Variants in TNS3 observed in about 807,000 individuals in gnomAD.
TNS3 encodes tensin 3.
Under a neutral mutation model 140.9 loss-of-function variants are expected in TNS3, and 45 were observed. The observed-to-expected ratio is 0.32, with a 90% CI of 0.25 to 0.41. The LOEUF (loss-of-function observed/expected upper bound fraction) is 0.41. TNS3 is among the 10% of genes least tolerant of loss of function. TNS3 has a pLI of 1.00. For synonymous variants in TNS3, 815 were observed against 788.4 expected (o/e 1.03, Z -0.56); for missense variants, 1,716 against 1,906.7 (o/e 0.90, Z 1.86).
intron 21 of TNS3, 47 bp from the exon 22 acceptor site, chr7:47,303,631 G>C: frequency 6.6e-7 from 1 of 1,507,234 alleles, no homozygotes; most frequent in Non-Finnish European, 8.8e-7. Flanking sequence ...GGTACAAAGA[G>C]ACACCTGAAG....
intron 17 of TNS3, among the ~76,000 whole-genome samples, chr7:47,359,754 T>C (rs946544521): frequency 3.3e-5 from 5 of 152,236 alleles, no homozygotes; most frequent in Non-Finnish European, 7.3e-5. Flanking sequence ...AAGGAGGTTA[T>C]ATTCGCTATG....
At chr7:47,568,291 G>A (rs548474205) in intron 1 of TNS3, among the ~76,000 whole-genome samples, 3 of 152,264 alleles carry the variant, frequency 2.0e-5, no homozygotes, top group East Asian at 1.9e-4. Flanking sequence ...CTTCACCTTC[G>A]AGATGCAGCT....
intron 1 of TNS3, among the ~76,000 whole-genome samples, chr7:47,580,628 A>G (rs1392538629): frequency 6.7e-6 from 1 of 150,366 alleles, no homozygotes; most frequent in African/African-American, 2.5e-5. Context: ...CTGGCCCTCA[A>G]GGCCTCAGCA....
At chr7:47,289,582 A>G (rs1785589974) in intron 27 of TNS3, among the ~76,000 whole-genome samples, 1 of 152,244 alleles carries the variant, frequency 6.6e-6, no homozygotes, top group Non-Finnish European at 1.5e-5. Flanking sequence ...ACAAATGGTC[A>G]ACTGCTTTCC....
intron 8 of TNS3, 28 bp from the exon 9 acceptor site, chr7:47,428,404 T>G (rs1794765504): frequency 5.1e-6 from 7 of 1,383,452 alleles, no homozygotes; most frequent in Non-Finnish European, 6.6e-6. Flanking sequence ...TCAGCTGATT[T>G]TCTCTGAAAT....
At chr7:47,555,945 C>T (rs1222947184) in intron 1 of TNS3, among the ~76,000 whole-genome samples, 1 of 152,236 alleles carries the variant, frequency 6.6e-6, no homozygotes, top group Non-Finnish European at 1.5e-5. Context: ...CCTGCACACA[C>T]ATAATACACA....
At chr7:47,559,705 T>C (rs964508990) in intron 1 of TNS3, among the ~76,000 whole-genome samples, 11 of 152,112 alleles carry the variant, frequency 7.2e-5, no homozygotes, top group African/African-American at 2.4e-4. Context: ...CCAGTCTCCC[T>C]GGGGCCCTTG....
chr7:47,368,726 C>A lies in TNS3; in HGVS notation c.1920G>T (p.Arg640Ser). 6.3e-7 allele frequency: 1 copy of A among 1,577,970 alleles called. No homozygotes were observed. Among genetic ancestry groups the A allele is most frequent in the South Asian group, 1.2e-5 (1 of 84,650 alleles). Residue 640 changes from arginine to serine, a missense_variant, in exon 17 of 31, where the codon AGG (arginine) becomes AGT (serine). Transcript: ENST00000311160. ...TGCCTACACCCCTCTGGACAGCCAC[C>A]CTACTGCTGGTCCCTCGGGTGGGGG... ...PLTPTRGTSS[R>S]VAVQRGVGSG... is the part of the protein sequence containing the mutation.
intron 4 of TNS3, among the ~76,000 whole-genome samples, chr7:47,473,381 A>C (rs1244361736): frequency 6.6e-6 from 1 of 152,100 alleles, no homozygotes; most frequent in African/African-American, 2.4e-5. Context: ...ACCTAATAGA[A>C]CTCAATTTCA....
At chr7:47,393,977 T>G (rs557076560) in intron 16 of TNS3, among the ~76,000 whole-genome samples, 1 of 151,960 alleles carries the variant, frequency 6.6e-6, no homozygotes, top group African/African-American at 2.4e-5. Context: ...GAGTCCCGAG[T>G]GCATGCCCAG....
At chr7:47,358,854 CCT>C (rs1361737930) in intron 17 of TNS3, among the ~76,000 whole-genome samples, 1 of 152,198 alleles carries the variant, frequency 6.6e-6, no homozygotes, top group Non-Finnish European at 1.5e-5. Flanking sequence ...TAGCAGTTCC[CCT>C]GAGCCAGCAC....
intron 9 of TNS3, 74 bp from the exon 10 acceptor site, chr7:47,424,258 G>T: frequency 6.7e-7 from 1 of 1,484,746 alleles, no homozygotes. Flanking sequence ...CGGGGGATGT[G>T]TCTCATGGCT....
At chr7:47,491,968 CA>C (rs1356838235) in intron 3 of TNS3, among the ~76,000 whole-genome samples, 2 of 152,354 alleles carry the variant, frequency 1.3e-5, no homozygotes, top group East Asian at 3.9e-4. Flanking sequence ...CATTCTAAAA[CA>C]CTCAACTGGT....
chr7:47,344,815 G>T lies in TNS3; in HGVS notation c.2590C>A (p.Pro864Thr), dbSNP rs754673139. ...AGCGGGGGCTCAGGTGGGCTGAACG[G>T]AGGATGGCGCAGCGCTGTTTTCACT... ...PYVKTALRHP[P>T]FSPPEPPLSS... The change falls in exon 20 of 31, where the codon CCG becomes ACG. Residue 864 changes from proline (P) to threonine (T), a missense_variant. Pro to Thr is a conservative substitution (Grantham distance 38, BLOSUM62 -1). Transcript: ENST00000311160. The T allele has an allele frequency of 6.2e-7, 1 of 1,613,736 alleles. No individual in the cohort carries two copies. Among genetic ancestry groups the T allele is most frequent in the Non-Finnish European group, 8.5e-7 (1 of 1,180,026 alleles).
At chr7:47,567,564 G>A (rs1393417184) in intron 1 of TNS3, among the ~76,000 whole-genome samples, 1 of 151,774 alleles carries the variant, frequency 6.6e-6, no homozygotes, top group East Asian at 1.9e-4. Flanking sequence ...GGCATCTGTA[G>A]TCTCAGCTAC....
intron 9 of TNS3, among the ~76,000 whole-genome samples, chr7:47,424,671 C>T (rs535742302): frequency 2.0e-5 from 3 of 152,190 alleles, no homozygotes; most frequent in African/African-American, 7.2e-5. Context: ...CAGACACCCC[C>T]ATGAAGTCCC....
At chr7:47,551,928 C>T (rs79130423) in intron 1 of TNS3, among the ~76,000 whole-genome samples, 4,416 of 152,106 alleles carry the variant, frequency 0.029, 235 homozygotes, top group African/African-American at 0.1. Context: ...GCTACAAAAC[C>T]GTGTGTCCAC....
chr7:47,566,469 C>CTA (rs1800431145), intron 1 of TNS3, among the ~76,000 whole-genome samples: 2 of 152,224 alleles, frequency 1.3e-5, no homozygotes, highest in East Asian at 3.8e-4. Flanking sequence ...TTCTCCCCCT[C>CTA]TACTCTCCCT....
chr7:47,405,457 C>T (rs1390925376), intron 13 of TNS3: 4 of 701,462 alleles, frequency 5.7e-6, no homozygotes, highest in Non-Finnish European at 1.0e-5. Flanking sequence ...TAGCTAAGCC[C>T]CATAGGTCAA....
Sources: allele counts gnomAD v4.1 joint callset (sites outside exome capture counted in the v4.1 genomes callset), GRCh38; gene constraint gnomAD v4.1.1; transcripts MANE v1.5; gene names NCBI Gene and HGNC (gene_info 2026-07-23, HGNC 2026-07-21).